CFAP47: variants seen among roughly 807,000 people sequenced by gnomAD.
The protein encoded by CFAP47 is cilia and flagella associated protein 47.
CFAP47 carries 29 observed loss-of-function variants against 148.1 expected under a neutral mutation model. The observed-to-expected ratio is 0.20, with a 90% CI of 0.15 to 0.27. The LOEUF is 0.27. Ranked by LOEUF, CFAP47 falls within the 10% of genes least tolerant of loss-of-function variation. The probability of loss-of-function intolerance (pLI) is 1.00; values close to 1 mark genes in which losing one functional copy is unlikely to be tolerated. For synonymous variants in CFAP47, 664 were observed against 577.3 expected, an observed-to-expected ratio of 1.15 and a Z score of -2.15; for missense variants, 1,872 against 1,697.5, an observed-to-expected ratio of 1.10 and a Z score of -1.81.
intron 21 of CFAP47, among the ~76,000 whole-genome samples, chrX:36,003,578 T>C (rs1936941270): frequency 9.1e-6 from 1 of 110,337 alleles, no homozygotes; most frequent in Non-Finnish European, 1.9e-5. Flanking sequence ...TCAGCATTTT[T>C]TTTTAAAAAA....
chrX:36,228,903 T>C (rs1940303604), intron 46 of CFAP47, 79 bp downstream of exon 46: 1 of 454,854 alleles, frequency 2.2e-6, no homozygotes, highest in Admixed American at 3.9e-5. Flanking sequence ...CCTCTCATCT[T>C]GGACTATTAC....
At chrX:35,963,337 TTCAAAATTACA>T (rs1414348519) in intron 8 of CFAP47, among the ~76,000 whole-genome samples, 7 of 111,120 alleles carry the variant, frequency 6.3e-5, no homozygotes, top group Non-Finnish European at 1.1e-4. Flanking sequence ...ATTTAATTGT[TTCAAAATTACA>T]TCAAAATTAC....
chrX:35,953,462 C>T (rs978032727), intron 6 of CFAP47, 130 bp from the exon 7 acceptor site: 2 of 475,547 alleles, frequency 4.2e-6, no homozygotes, highest in Non-Finnish European at 3.4e-6. Flanking sequence ...TAATGGATTA[C>T]AGTTGTATTT....
intron 33 of CFAP47, among the ~76,000 whole-genome samples, chrX:36,110,245 G>T (rs1938533719): frequency 9.0e-6 from 1 of 111,157 alleles, no homozygotes; most frequent in African/African-American, 3.3e-5. Flanking sequence ...TATACTTTTG[G>T]GTTTTACATT....
intron 1 of CFAP47, among the ~76,000 whole-genome samples, chrX:35,920,877 G>A (rs750924702): frequency 1.7e-3 from 187 of 111,519 alleles, no homozygotes; most frequent in African/African-American, 5.9e-3. Flanking sequence ...AAAGATGTCC[G>A]TAATTTTAGA....
intron 39 of CFAP47, among the ~76,000 whole-genome samples, chrX:36,176,913 A>T (rs1173393039): frequency 2.7e-5 from 3 of 112,239 alleles, no homozygotes; most frequent in African/African-American, 9.7e-5. Context: ...AAAAAAATAA[A>T]AATAAAAAAA....
chrX:35,989,472 G>T, intron 16 of CFAP47, 23 bp downstream of exon 16: 2 of 1,210,782 alleles, frequency 1.7e-6, no homozygotes, highest in African/African-American at 1.7e-5. Context: ...CTTGAACATG[G>T]TTTTTGTTTT....
Position 35,939,564 on chromosome X carries a change from G to A in CFAP47, c.402-1719G>A, listed in dbSNP as rs541668556. ...GCGGTGTTTGGTTTTTTGTTCTTGCGATAGTTTACTGAGAATGATGATTTC... is the reference window on the plus strand; with the variant it reads ...GCGGTGTTTGGTTTTTTGTTCTTGCAATAGTTTACTGAGAATGATGATTTC... On this transcript the variant is annotated intron_variant, in intron 2 of 63. Coordinates refer to ENST00000378653, the MANE Select transcript of CFAP47 (RefSeq NM_001304548.2). Among the ~76,000 whole-genome samples the A allele has an allele frequency of 5.5e-5, 5 of 90,490 alleles. No homozygotes were observed. The East Asian group carries it at 1.5e-3, about 27-fold the overall frequency. 78.6% of individuals were successfully genotyped at this position (90,490 alleles called of 115,157 possible). A position where few individuals can be genotyped will look rare whatever the true frequency, so the allele number is the denominator to read the frequency against.
At chrX:36,167,386 T>G (rs759725572) in intron 39 of CFAP47, among the ~76,000 whole-genome samples, 4 of 111,343 alleles carry the variant, frequency 3.6e-5, no homozygotes, top group Non-Finnish European at 7.5e-5. Flanking sequence ...ACCCTCCATT[T>G]TAGGAGCTGA....
At chrX:36,013,527 T>G (rs1461282349) in intron 21 of CFAP47, among the ~76,000 whole-genome samples, 1 of 111,639 alleles carries the variant, frequency 9.0e-6, no homozygotes. Context: ...TTCTGTACAT[T>G]TTCTTGTGTG....
chrX:36,000,506 A>G (rs1169478475), intron 20 of CFAP47, 79 bp downstream of exon 20: 2 of 273,265 alleles, frequency 7.3e-6, no homozygotes, highest in Non-Finnish European at 1.3e-5. Flanking sequence ...TTCTAAAACT[A>G]ATTCAATCAA....
intron 39 of CFAP47, among the ~76,000 whole-genome samples, chrX:36,163,117 C>T (rs1225706684): frequency 8.9e-6 from 1 of 112,002 alleles, no homozygotes. Flanking sequence ...CTTCTCAAAT[C>T]GGTTTTGCTA....
At chrX:36,069,543 C>A (rs1235236707) in intron 27 of CFAP47, among the ~76,000 whole-genome samples, 2 of 111,245 alleles carry the variant, frequency 1.8e-5, no homozygotes, top group East Asian at 5.6e-4. Context: ...CTTAAATATC[C>A]TAAAACATCT....
At chrX:36,201,682 A>G (rs183729815) in intron 44 of CFAP47, among the ~76,000 whole-genome samples, 182 bp downstream of exon 44, 2 of 111,875 alleles carry the variant, frequency 1.8e-5, no homozygotes, top group African/African-American at 3.2e-5. Context: ...TAAATAATGA[A>G]TCTGAAACAA....
chrX:36,343,116 T>A (rs1442395691), intron 57 of CFAP47, among the ~76,000 whole-genome samples: 1 of 111,758 alleles, frequency 8.9e-6, no homozygotes, highest in African/African-American at 3.3e-5. Context: ...TCCAGCTTCA[T>A]CCACGTCCCT....
chrX:36,118,535 T>C (rs1938682650), intron 33 of CFAP47, among the ~76,000 whole-genome samples: 1 of 111,185 alleles, frequency 9.0e-6, no homozygotes, highest in Non-Finnish European at 1.9e-5. Context: ...CGTGGCGTGA[T>C]CTTGGTTCAC....
intron 21 of CFAP47, among the ~76,000 whole-genome samples, chrX:36,007,048 A>G (rs2146697826): frequency 9.0e-6 from 1 of 111,728 alleles, no homozygotes; most frequent in Non-Finnish European, 1.9e-5. Flanking sequence ...TCCTGCTGCT[A>G]TGACCCAGGT....
chrX:36,046,274 A>T (rs1937464792), intron 25 of CFAP47, among the ~76,000 whole-genome samples: 1 of 110,572 alleles, frequency 9.0e-6, no homozygotes, highest in African/African-American at 3.3e-5. Context: ...AGTGAATACT[A>T]TTAATACATA....
chrX:36,283,515 T>G (rs1335091077), intron 50 of CFAP47, among the ~76,000 whole-genome samples: 1 of 112,080 alleles, frequency 8.9e-6, no homozygotes. Context: ...AACTTTATTT[T>G]TAATGTTTCT....
Sources: allele counts gnomAD v4.1 joint callset (sites outside exome capture counted in the v4.1 genomes callset), GRCh38; gene constraint gnomAD v4.1.1; transcripts MANE v1.5; gene names NCBI Gene and HGNC (gene_info 2026-07-23, HGNC 2026-07-21).